The following ERBB4 variants were observed in gnomAD, a reference collection of about 807,000 sequenced individuals.
ERBB4 encodes the protein receptor tyrosine-protein kinase erbB-4.
A neutral mutation model predicts 158.0 loss-of-function variants in ERBB4; 42 were observed. The ratio of observed to expected loss-of-function variants is 0.27; its 90% CI spans 0.21 to 0.34. The LOEUF (loss-of-function observed/expected upper bound fraction) is 0.34. Ranked by LOEUF, ERBB4 falls within the 10% of genes least tolerant of loss-of-function variation. ERBB4 has a pLI of 1.00. For synonymous variants in ERBB4, 583 were observed against 558.7 expected (o/e 1.04, Z -0.61); for missense variants, 1,333 against 1,624.1 (o/e 0.82, Z 3.08).
intron 1 of ERBB4, among the ~76,000 whole-genome samples, chr2:212,229,996 C>T (rs1211227983): frequency 2.0e-5 from 3 of 151,994 alleles, no homozygotes; most frequent in Admixed American, 6.6e-5. Context: ...AGAATATAGG[C>T]TACAACCGCC....
intron 19 of ERBB4, among the ~76,000 whole-genome samples, chr2:211,570,948 C>G (rs1559306882): frequency 6.6e-6 from 1 of 152,036 alleles, no homozygotes; most frequent in Non-Finnish European, 1.5e-5. Flanking sequence ...ATTGTTTTAT[C>G]TCACTGACCA....
intron 2 of ERBB4, among the ~76,000 whole-genome samples, chr2:212,057,466 A>G (rs2077616319): frequency 6.6e-6 from 1 of 152,202 alleles, no homozygotes; most frequent in Non-Finnish European, 1.5e-5. Context: ...CCCCAAATCA[A>G]CAGAATATAC....
intron 2 of ERBB4, among the ~76,000 whole-genome samples, chr2:212,004,622 A>G (rs1393910315): frequency 6.6e-6 from 1 of 152,104 alleles, no homozygotes; most frequent in Non-Finnish European, 1.5e-5. Flanking sequence ...TGAGACTTCC[A>G]TTACCTGGCA....
At chr2:212,043,776 C>G (rs547677972) in intron 2 of ERBB4, among the ~76,000 whole-genome samples, 2 of 152,124 alleles carry the variant, frequency 1.3e-5, no homozygotes, top group South Asian at 4.1e-4. Flanking sequence ...TGACCTTGAA[C>G]AAGTTATTTA....
intron 1 of ERBB4, among the ~76,000 whole-genome samples, chr2:212,372,982 C>G (rs1473317828): frequency 6.6e-6 from 1 of 151,954 alleles, no homozygotes; most frequent in African/African-American, 2.4e-5. Context: ...AAACAAAAAG[C>G]AGTAAATTGG....
intron 20 of ERBB4, among the ~76,000 whole-genome samples, chr2:211,441,252 C>A (rs1245809703): frequency 6.6e-6 from 1 of 152,136 alleles, no homozygotes; most frequent in African/African-American, 2.4e-5. Flanking sequence ...CTGCTTTGCA[C>A]CTTGGCTCAT....
intron 1 of ERBB4, among the ~76,000 whole-genome samples, chr2:212,345,398 C>T (rs1315046898): frequency 6.6e-6 from 1 of 151,988 alleles, no homozygotes; most frequent in Non-Finnish European, 1.5e-5. Context: ...CAACTGTGCT[C>T]CCACAGGAGA....
intron 1 of ERBB4, among the ~76,000 whole-genome samples, chr2:212,474,282 T>C (rs1302850973): frequency 1.3e-5 from 2 of 152,040 alleles, no homozygotes; most frequent in East Asian, 1.9e-4. Flanking sequence ...TAAATGATTG[T>C]TTAATTGAAA....
intron 1 of ERBB4, among the ~76,000 whole-genome samples, chr2:212,222,794 C>T (rs1444961173): frequency 6.6e-6 from 1 of 151,340 alleles, no homozygotes; most frequent in African/African-American, 2.4e-5. Context: ...GGGGTTGTTA[C>T]GTGTTTAATG....
At chr2:212,272,928 T>C (rs2085396095) in intron 1 of ERBB4, among the ~76,000 whole-genome samples, 1 of 151,624 alleles carries the variant, frequency 6.6e-6, no homozygotes, top group Non-Finnish European at 1.5e-5. Flanking sequence ...TTATTTCTAT[T>C]ATTATATAAA....
At chr2:211,449,407 C>T (rs1992029) in intron 20 of ERBB4, among the ~76,000 whole-genome samples, 117,389 of 152,110 alleles carry the variant, frequency 0.77, 45,844 homozygotes, top group African/African-American at 0.9. Context: ...CATAGGGTTT[C>T]ATTAAATTAG....
intron 1 of ERBB4, among the ~76,000 whole-genome samples, chr2:212,140,061 A>C (rs1328512162): frequency 6.6e-6 from 1 of 151,810 alleles, no homozygotes; most frequent in Non-Finnish European, 1.5e-5. Context: ...ATAACTTGTA[A>C]AGAAGACTTA....
intron 20 of ERBB4, among the ~76,000 whole-genome samples, chr2:211,468,594 C>T (rs1455277924): frequency 6.6e-6 from 1 of 152,058 alleles, no homozygotes; most frequent in African/African-American, 2.4e-5. Flanking sequence ...AAACGCCCCC[C>T]AAGTCTACAT....
intron 3 of ERBB4, among the ~76,000 whole-genome samples, chr2:211,920,248 A>G (rs2079821776): frequency 6.6e-6 from 1 of 152,000 alleles, no homozygotes; most frequent in Non-Finnish European, 1.5e-5. Context: ...GTCTGAGAGC[A>G]TAATGGATTT....
intron 1 of ERBB4, among the ~76,000 whole-genome samples, chr2:212,428,354 T>C (rs1398441895): frequency 6.6e-6 from 1 of 152,182 alleles, no homozygotes; most frequent in Non-Finnish European, 1.5e-5. Flanking sequence ...AGGAAATAGC[T>C]AGGCCATTAT....
At chr2:212,341,151 A>G (rs1333962817) in intron 1 of ERBB4, among the ~76,000 whole-genome samples, 1 of 151,988 alleles carries the variant, frequency 6.6e-6, no homozygotes, top group African/African-American at 2.4e-5. Flanking sequence ...TGGGAATTAT[A>G]AATAAAATAA....
At chr2:212,239,399 C>T (rs2106008352) in intron 1 of ERBB4, among the ~76,000 whole-genome samples, 1 of 152,284 alleles carries the variant, frequency 6.6e-6, no homozygotes, top group South Asian at 2.1e-4. Context: ...ACATTTCTGA[C>T]ATGGTTGTGT....
intron 2 of ERBB4, among the ~76,000 whole-genome samples, chr2:212,074,126 A>T (rs930371792): frequency 3.3e-5 from 5 of 151,940 alleles, no homozygotes; most frequent in African/African-American, 1.2e-4. Context: ...TTCTGCCAAA[A>T]CTTAGCTTGG....
chr2:212,162,377 G>C (rs1468805801), intron 1 of ERBB4, among the ~76,000 whole-genome samples: 2 of 151,554 alleles, frequency 1.3e-5, no homozygotes, highest in Admixed American at 6.6e-5. Flanking sequence ...AATTAATCTT[G>C]GTCCAAAAAA....
Sources: gnomAD v4.1 joint callset for allele counts (sites outside exome capture counted in the v4.1 genomes callset) on GRCh38, gnomAD v4.1.1 for gene constraint, MANE v1.5 for transcripts, NCBI Gene and HGNC (gene_info 2026-07-23, HGNC 2026-07-21) for gene names.